The following MBD5 variants were observed in gnomAD, a reference collection of about 807,000 sequenced individuals.
MBD5 encodes the protein methyl-CpG binding domain protein 5, also known as methyl-CpG-binding domain protein 5.
A neutral mutation model predicts 117.3 loss-of-function variants in MBD5; 13 were observed. The ratio of observed to expected loss-of-function variants is 0.11; its 90% CI spans 0.07 to 0.18. The LOEUF (loss-of-function observed/expected upper bound fraction) is 0.18. Ranked by LOEUF, MBD5 falls within the 10% of genes least tolerant of loss-of-function variation. MBD5 has a pLI of 1.00. For missense variants in MBD5, 1,879 were observed against 2,093.8 expected, an observed-to-expected ratio of 0.90 and a Z score of 2.00; for synonymous variants, 727 against 766.4, an observed-to-expected ratio of 0.95 and a Z score of 0.85.
At chr2:148,453,525 C>G (rs28700999) in intron 4 of MBD5, among the ~76,000 whole-genome samples, 356 of 152,058 alleles carry the variant, frequency 2.3e-3, no homozygotes, top group African/African-American at 8.2e-3. Flanking sequence ...GATCCTGAGT[C>G]TTAGTAAGAT....
intron 4 of MBD5, among the ~76,000 whole-genome samples, chr2:148,445,312 G>T (rs1706459659): frequency 6.7e-6 from 1 of 150,044 alleles, no homozygotes; most frequent in Admixed American, 6.6e-5. Flanking sequence ...ACAGGCCCCA[G>T]TGTGTGATGT....
At chr2:148,180,343 C>CATATATATATATATATATATAT (rs70992196) in intron 2 of MBD5, among the ~76,000 whole-genome samples, 1,763 of 105,232 alleles carry the variant, frequency 0.017, 46 homozygotes, top group African/African-American at 0.024. Context: ...AAAAATTATA[C>CATATATATATATATATATATAT]ATATATATAT....
intron 2 of MBD5, among the ~76,000 whole-genome samples, chr2:148,189,415 G>T (rs957221557): frequency 6.9e-4 from 104 of 149,860 alleles, no homozygotes; most frequent in Non-Finnish European, 1.3e-3. Context: ...ATCTGAGAAC[G>T]GGCAGACTGC....
chr2:148,091,958 AATC>A (rs1695956490), intron 1 of MBD5, among the ~76,000 whole-genome samples: 1 of 152,174 alleles, frequency 6.6e-6, no homozygotes, highest in South Asian at 2.1e-4. Flanking sequence ...AACTCAAACA[AATC>A]ATCAAGAAAG....
intron 4 of MBD5, among the ~76,000 whole-genome samples, chr2:148,421,165 C>T (rs1705593016): frequency 6.6e-6 from 1 of 152,186 alleles, no homozygotes; most frequent in African/African-American, 2.4e-5. Context: ...CTCCGGTCTG[C>T]AGCTCCCAGC....
At chr2:148,399,791 T>G (rs1028039463) in intron 4 of MBD5, among the ~76,000 whole-genome samples, 2 of 152,144 alleles carry the variant, frequency 1.3e-5, no homozygotes, top group African/African-American at 4.8e-5. Context: ...GCTGTGGGTT[T>G]GTCATAGATA....
At chr2:148,317,747 A>AG (rs146408345) in intron 3 of MBD5, among the ~76,000 whole-genome samples, 4,273 of 152,250 alleles carry the variant, frequency 0.028, 99 homozygotes, top group African/African-American at 0.06. Context: ...CTTAGCTGTA[A>AG]TGACCTCCAG....
chr2:148,372,873 A>G (rs929780569), intron 4 of MBD5, among the ~76,000 whole-genome samples: 2 of 152,118 alleles, frequency 1.3e-5, no homozygotes, highest in Non-Finnish European at 2.9e-5. Flanking sequence ...TTGGGCAGTC[A>G]TTGTTACTCT....
At chr2:148,089,226 A>T (rs1313883495) in intron 1 of MBD5, among the ~76,000 whole-genome samples, 1 of 152,116 alleles carries the variant, frequency 6.6e-6, no homozygotes, top group Non-Finnish European at 1.5e-5. Flanking sequence ...AGGCCTAAGA[A>T]ATAAGATAAA....
chr2:148,249,309 A>G (rs1435361873), intron 3 of MBD5, among the ~76,000 whole-genome samples: 1 of 152,190 alleles, frequency 6.6e-6, no homozygotes, highest in Admixed American at 6.6e-5. Context: ...TTGCTTTCCA[A>G]TAACCCTTTG....
chr2:148,314,059 G>T (rs1702098440), intron 3 of MBD5, among the ~76,000 whole-genome samples: 1 of 151,934 alleles, frequency 6.6e-6, no homozygotes, highest in Non-Finnish European at 1.5e-5. Context: ...CTCGCTGGGA[G>T]CTGCAGATCG....
Position 148,490,063 on chromosome 2 carries a change from G to T in MBD5, c.4431G>T (p.Gln1477His), listed in dbSNP as rs1305989220. 6.2e-7 allele frequency: 1 copy of T among 1,613,926 alleles called. No individual in the cohort carries two copies. Among genetic ancestry groups the T allele is most frequent in the Non-Finnish European group, 8.5e-7 (1 of 1,179,988 alleles). Residue 1477 changes from glutamine to histidine, a missense_variant, in exon 11 of 14, where the codon CAG becomes CAT. Coordinates refer to ENST00000642680, the MANE Select transcript of MBD5 (RefSeq NM_001378120.1). ...VSTLPFLPGEQHPILLPPRNC... is the reference protein window; with the variant it reads ...VSTLPFLPGEHHPILLPPRNC... The stretch of plus-strand genomic sequence containing the variant: ...CACTGCCATTTCTGCCTGGGGAACA[G>T]CACCCAATACTGTTACCACCAAGAA...
chr2:148,313,462 A>G (rs1574273813), intron 3 of MBD5, among the ~76,000 whole-genome samples: 1 of 152,100 alleles, frequency 6.6e-6, no homozygotes. Context: ...TGAGGGTAAA[A>G]CCACCTACTC....
chr2:148,486,123 C>CT lies in MBD5; in HGVS notation c.3753+180dup, dbSNP rs1356150304. Among the ~76,000 whole-genome samples, 5 of 152,100 alleles carry CT rather than the reference C, an allele frequency of 3.3e-5. No homozygotes were observed. The East Asian group carries it at 9.6e-4, about 29-fold the overall frequency. On this transcript the variant is annotated intron_variant, in intron 10 of 13. Transcript: ENST00000642680. Reference sequence around the variant, plus strand: ...TTCCAGTCTTTTGTGTGAAGGTTTTCTTTTTTTAATTTTGTCTGAAGTATC... The same window carrying CT: ...TTCCAGTCTTTTGTGTGAAGGTTTTCTTTTTTTTAATTTTGTCTGAAGTATC...
chr2:148,392,980 C>T (rs1704608807), intron 4 of MBD5, among the ~76,000 whole-genome samples: 1 of 152,070 alleles, frequency 6.6e-6, no homozygotes. Context: ...AAACTCACTG[C>T]CCTTCAGCCT....
intron 3 of MBD5, among the ~76,000 whole-genome samples, chr2:148,289,070 T>G (rs1238940828): frequency 6.6e-6 from 1 of 152,242 alleles, no homozygotes; most frequent in Non-Finnish European, 1.5e-5. Flanking sequence ...GTTATTGAAC[T>G]ACTTTTGTGC....
intron 4 of MBD5, among the ~76,000 whole-genome samples, chr2:148,396,388 T>G (rs1704715277): frequency 6.6e-6 from 1 of 152,236 alleles, no homozygotes; most frequent in Admixed American, 6.5e-5. Flanking sequence ...ATATCTAACA[T>G]TCATGGCAGC....
chr2:148,469,376 G>T lies in MBD5; in HGVS notation c.1433G>T (p.Gly478Val). ...GGAAATTTCATGATGCCACCTGTAG[G>T]ACCCCAGGCCACTTCTAGTGGTATT... Reference protein sequence around the residue: ...DHGNFMMPPVGPQATSSGIKV... With the variant: ...DHGNFMMPPVVPQATSSGIKV... The change falls in exon 8 of 14, where the codon GGA becomes GTA. Residue 478 changes from glycine (G) to valine (V), a missense_variant. Physicochemically the swap from Gly to Val is moderately radical, Grantham distance 109. This residue lies in a region of MBD5 where 1,666 missense variants were observed against 1,792.2 expected (regional missense o/e 0.93). Transcript: ENST00000642680. 3.7e-6 allele frequency: 6 copies of T among 1,613,580 alleles called. No individual in the cohort carries two copies. Among genetic ancestry groups the T allele is most frequent in the Non-Finnish European group, 5.1e-6 (6 of 1,179,896 alleles).
chr2:148,473,141 C>T (rs1436411480), intron 8 of MBD5, among the ~76,000 whole-genome samples: 2 of 152,088 alleles, frequency 1.3e-5, no homozygotes, highest in Non-Finnish European at 2.9e-5. Context: ...CATTTGTTAA[C>T]TATTGATATA....
Sources: gnomAD v4.1 joint callset for allele counts (sites outside exome capture counted in the v4.1 genomes callset) on GRCh38, gnomAD v4.1.1 for gene constraint, gnomAD v4.1.1 regional missense constraint, MANE v1.5 for transcripts, NCBI Gene and HGNC (gene_info 2026-07-23, HGNC 2026-07-21) for gene names.